ZP3: variants seen among roughly 807,000 people sequenced by gnomAD.
ZP3 encodes the protein zona pellucida glycoprotein 3.
Under a neutral mutation model 35.6 loss-of-function variants are expected in ZP3, and 21 were observed. The observed-to-expected ratio is 0.59, with a 90% CI of 0.42 to 0.85. The LOEUF is 0.85. ZP3 is among the 40% of genes least tolerant of loss of function. The pLI, the probability that ZP3 is intolerant of heterozygous loss-of-function variation, is 0.00. For missense variants in ZP3, 437 were observed against 536.5 expected (o/e 0.81, Z 1.83); for synonymous variants, 207 against 214.5 (o/e 0.96, Z 0.31).
intron 5 of ZP3, among the ~76,000 whole-genome samples, chr7:76,437,948 T>G (rs1226260240): frequency 6.6e-6 from 1 of 152,188 alleles, no homozygotes; most frequent in African/African-American, 2.4e-5. Flanking sequence ...GCTTCTTACT[T>G]GCAGGGCAGG....
rs760349973 is a variant in ZP3, at chr7:76,425,213, C to T, written c.249C>T (p.Ser83=). ...LGPEACEPLV[S]MDTEDVVRFE... is the part of the protein sequence containing the mutation. ...CAGAGGCCTGTGAGCCTCTGGTCTC[C>T]ATGGACACAGAAGATGTGGTCAGGT... Residue 83 remains serine, a synonymous_variant, in exon 1 of 8, where the codon TCC becomes TCT. Transcript: ENST00000394857. The T allele has an allele frequency of 5.0e-6, 8 of 1,613,888 alleles. No homozygotes were observed. The Middle Eastern group carries it at 5.0e-4, about 100-fold the overall frequency.
intron 5 of ZP3, among the ~76,000 whole-genome samples, chr7:76,438,610 G>A (rs1187556376): frequency 6.8e-6 from 1 of 147,324 alleles, no homozygotes; most frequent in Non-Finnish European, 1.5e-5. Flanking sequence ...GGTGGTGGGG[G>A]GTCTTTCAGC....
At chr7:76,421,584 T>TAC (rs1173578831), upstream of ZP3, among the ~76,000 whole-genome samples, 2 of 151,526 alleles carry the variant, frequency 1.3e-5, no homozygotes, top group Non-Finnish European at 2.9e-5. Context: ...TATATATATA[T>TAC]ACACACACAT....
intron 1 of ZP3, among the ~76,000 whole-genome samples, chr7:76,406,908 A>G (rs1292037016): frequency 1.3e-5 from 2 of 151,804 alleles, no homozygotes; most frequent in Non-Finnish European, 2.9e-5. Flanking sequence ...ACTATGATTT[A>G]CTTAATATTT....
intron 1 of ZP3, among the ~76,000 whole-genome samples, chr7:76,410,792 C>T (rs1024413263): frequency 2.0e-5 from 3 of 151,686 alleles, no homozygotes; most frequent in Admixed American, 1.3e-4. Context: ...GTCAGGAGTT[C>T]GAGACCAGCC....
intron 4 of ZP3, 141 bp from the exon 5 acceptor site, chr7:76,433,897 C>G: frequency 1.1e-6 from 1 of 901,504 alleles, no homozygotes; most frequent in East Asian, 2.6e-5. Context: ...CAAGGTTTCA[C>G]CATGTTTGCC....
intron 2 of ZP3, among the ~76,000 whole-genome samples, 189 bp from the exon 3 acceptor site, chr7:76,432,738 G>A (rs1200211986): frequency 1.3e-5 from 2 of 152,186 alleles, no homozygotes; most frequent in Admixed American, 1.3e-4. Flanking sequence ...ACTCACAGGT[G>A]CAGAAGTTCA....
At chr7:76,425,585 C>T (rs1805627037) in intron 1 of ZP3, among the ~76,000 whole-genome samples, 1 of 151,616 alleles carries the variant, frequency 6.6e-6, no homozygotes, top group South Asian at 2.1e-4. Flanking sequence ...GATAGGATAG[C>T]CCTGTGGGTA....
chr7:76,426,368 A>G (rs1401131203), intron 1 of ZP3, among the ~76,000 whole-genome samples: 2 of 152,150 alleles, frequency 1.3e-5, no homozygotes, highest in East Asian at 3.9e-4. Context: ...CTGTGGTCCC[A>G]TGGAGGGCCT....
rs1804939852 is a variant in ZP3 at position 76,404,603 on chromosome 7, G to C, written c.-67+6806G>C. The C allele has an allele frequency of 1.4e-5, 13 of 952,948 alleles. No homozygotes were observed. The South Asian group carries it at 2.0e-4, about 14-fold the overall frequency. 59.0% of individuals were successfully genotyped at this position (952,948 alleles called of 1,614,324 possible). ...ACCCAGGGGTTTGAGATCAGCCTGG[G>C]CAACATAGTGAGACCCCCATCTCTA... On this transcript the variant is annotated intron_variant, in intron 1 of 8. Transcript: ENST00000336517.
chr7:76,413,999 T>A (rs1022727380), intron 1 of ZP3, among the ~76,000 whole-genome samples: 2 of 25,520 alleles, frequency 7.8e-5, no homozygotes, highest in African/African-American at 7.2e-4. Context: ...CTTCTTCTTC[T>A]TTTTTTTTTT....
intron 1 of ZP3, among the ~76,000 whole-genome samples, chr7:76,412,992 T>G (rs1186448125): frequency 7.6e-6 from 1 of 132,114 alleles, no homozygotes; most frequent in Non-Finnish European, 1.6e-5. Flanking sequence ...AGACGGAGTC[T>G]TTCTCTGTTG....
chr7:76,415,506 T>G (rs1290029273), intron 1 of ZP3, among the ~76,000 whole-genome samples: 1 of 151,818 alleles, frequency 6.6e-6, no homozygotes, highest in Non-Finnish European at 1.5e-5. Context: ...TTTATTTATT[T>G]TTTTTGAGAC....
At chr7:76,410,346 G>C (rs1467828920) in intron 1 of ZP3, among the ~76,000 whole-genome samples, 1 of 136,728 alleles carries the variant, frequency 7.3e-6, no homozygotes, top group Non-Finnish European at 1.5e-5. Flanking sequence ...TTGCCTTCTT[G>C]TGTAGTTCTT....
At chr7:76,403,457 C>G (rs984313883) in intron 1 of ZP3, among the ~76,000 whole-genome samples, 2 of 151,672 alleles carry the variant, frequency 1.3e-5, no homozygotes, top group African/African-American at 4.8e-5. Context: ...CCTGCCTCAG[C>G]CTCCTGAGTA....
In ZP3 at chr7:76,425,210, C is replaced by T. The variant is rs775289486; in HGVS notation, c.246C>T (p.Val82=). Residue 82 remains valine, a synonymous_variant, in exon 1 of 8, where the codon GTC becomes GTT. Transcript: ENST00000394857. ...GCCCAGAGGCCTGTGAGCCTCTGGT[C>T]TCCATGGACACAGAAGATGTGGTCA... ...TLGPEACEPL[V]SMDTEDVVRF... is the part of the protein sequence containing the mutation. 6.2e-7 allele frequency: 1 copy of T among 1,613,920 alleles called. No homozygotes were observed. The highest frequency in any genetic ancestry group is 1.7e-5 in the Admixed American group (1 of 60,014).
At chr7:76,439,392 G>A (rs1327326270) in intron 5 of ZP3, among the ~76,000 whole-genome samples, 3 of 152,090 alleles carry the variant, frequency 2.0e-5, no homozygotes, top group Non-Finnish European at 4.4e-5. Flanking sequence ...GGATGGGCGC[G>A]GGTTTAGCAA....
chr7:76,407,338 CT>C (rs71882894), intron 1 of ZP3, among the ~76,000 whole-genome samples: 20 of 146,814 alleles, frequency 1.4e-4, no homozygotes, highest in Non-Finnish European at 1.7e-4. Flanking sequence ...GGGAGGATCT[CT>C]TTTTTTTTTT....
intron 4 of ZP3, 110 bp downstream of exon 4, chr7:76,433,757 G>C: frequency 7.9e-7 from 1 of 1,268,206 alleles, no homozygotes; most frequent in Non-Finnish European, 1.1e-6. Context: ...GGAATACAGA[G>C]GCTTGATCTC....
Sources: allele counts gnomAD v4.1 joint callset (sites outside exome capture counted in the v4.1 genomes callset), GRCh38; gene constraint gnomAD v4.1.1; transcripts MANE v1.5; gene names NCBI Gene and HGNC (gene_info 2026-07-23, HGNC 2026-07-21).